PPP3CC: variants seen among roughly 807,000 people sequenced by gnomAD.
PPP3CC encodes the protein serine/threonine-protein phosphatase 2B catalytic subunit gamma isoform.
PPP3CC carries 35 observed loss-of-function variants against 60.3 expected under a neutral mutation model. The observed-to-expected ratio is 0.58, with a 90% confidence interval of 0.44 to 0.77. The LOEUF (loss-of-function observed/expected upper bound fraction) is 0.77, where lower values mean the gene tolerates loss of function less well. Among genes scored for constraint, PPP3CC ranks in the 30% least tolerant of loss-of-function variants. The pLI is 0.00. For synonymous variants in PPP3CC, 206 were observed against 224.3 expected (o/e 0.92, Z 0.73); for missense variants, 570 against 628.9 (o/e 0.91, Z 1.00).
intron 3 of PPP3CC, among the ~76,000 whole-genome samples, chr8:22,482,620 C>A (rs1299512583): frequency 6.6e-6 from 1 of 152,144 alleles, no homozygotes; most frequent in Non-Finnish European, 1.5e-5. Flanking sequence ...ATGCCTATGT[C>A]CTGAATGAAG....
At chr8:22,515,580 C>A (rs1839221886) in intron 6 of PPP3CC, among the ~76,000 whole-genome samples, 1 of 152,134 alleles carries the variant, frequency 6.6e-6, no homozygotes, top group Non-Finnish European at 1.5e-5. Context: ...CTAAACATTC[C>A]CACCAATAGG....
intron 1 of PPP3CC, among the ~76,000 whole-genome samples, chr8:22,453,017 A>T (rs548601552): frequency 6.6e-6 from 1 of 152,242 alleles, no homozygotes; most frequent in African/African-American, 2.4e-5. Flanking sequence ...ATGTGCAAGC[A>T]TAAGAAGCTT....
intron 10 of PPP3CC, among the ~76,000 whole-genome samples, chr8:22,530,644 A>G (rs1208478615): frequency 6.6e-6 from 1 of 151,790 alleles, no homozygotes; most frequent in African/African-American, 2.4e-5. Flanking sequence ...CATGCTGGCC[A>G]ACATGGTGAA....
At chr8:22,468,654 T>C (rs996885742) in intron 1 of PPP3CC, among the ~76,000 whole-genome samples, 3 of 152,190 alleles carry the variant, frequency 2.0e-5, no homozygotes, top group Non-Finnish European at 4.4e-5. Flanking sequence ...CTTGTAATAA[T>C]TGAATAGATT....
chr8:22,514,268 AAAAG>A (rs1370453724), intron 6 of PPP3CC, among the ~76,000 whole-genome samples: 1 of 149,850 alleles, frequency 6.7e-6, no homozygotes. Context: ...AAAAAAAAAA[AAAAG>A]GAAGACATAA....
At chr8:22,471,601 G>A (rs78970213) in intron 1 of PPP3CC, among the ~76,000 whole-genome samples, 8,814 of 152,110 alleles carry the variant, frequency 0.058, 841 homozygotes, top group African/African-American at 0.2. Context: ...TTGAGTATCT[G>A]AACATATCTA....
intron 1 of PPP3CC, among the ~76,000 whole-genome samples, chr8:22,457,508 A>C (rs1837239342): frequency 6.6e-6 from 1 of 151,468 alleles, no homozygotes; most frequent in Non-Finnish European, 1.5e-5. Flanking sequence ...GGGTTTCACG[A>C]TGTTGGCCAG....
intron 4 of PPP3CC, among the ~76,000 whole-genome samples, chr8:22,504,016 T>G (rs1390959782): frequency 6.6e-6 from 1 of 152,192 alleles, no homozygotes; most frequent in Non-Finnish European, 1.5e-5. Flanking sequence ...AGTTTCAGAT[T>G]GTGCAGCTGT....
chr8:22,530,806 T>C (rs1031032093), intron 10 of PPP3CC, among the ~76,000 whole-genome samples: 6 of 111,200 alleles, frequency 5.4e-5, no homozygotes, highest in Non-Finnish European at 8.2e-5. Flanking sequence ...CACTCCAGCC[T>C]GGCGACAGAG....
intron 6 of PPP3CC, among the ~76,000 whole-genome samples, chr8:22,516,601 C>T (rs1257181193): frequency 6.6e-6 from 1 of 152,186 alleles, no homozygotes; most frequent in African/African-American, 2.4e-5. Flanking sequence ...GTGTGCAATG[C>T]AACAAAAAAT....
Position 22,540,843 on chromosome 8 carries a change from G to C in PPP3CC, c.*41G>C, listed in dbSNP as rs1466504723. 6.9e-7 allele frequency: 1 copy of C among 1,447,824 alleles called. No individual in the cohort carries two copies. The highest frequency in any genetic ancestry group is 9.2e-7 in the Non-Finnish European group (1 of 1,089,836). The allele number at this position is 1,447,824 out of a possible 1,614,324, so 89.7% of individuals were successfully genotyped here. A position where few individuals can be genotyped will look rare whatever the true frequency, so the allele number is the denominator to read the frequency against. ...TGGCTCAGGTGGATCTAAAACTCAA[G>C]AACAAATTCTATTTATTTATTATTG... is the stretch of plus-strand genomic sequence containing the variant. On this transcript the variant is annotated 3_prime_UTR_variant, in exon 14 of 14. Transcript: ENST00000240139.
chr8:22,525,999 C>T (rs1294626406), intron 8 of PPP3CC, among the ~76,000 whole-genome samples: 6 of 151,902 alleles, frequency 3.9e-5, no homozygotes, highest in African/African-American at 1.4e-4. Context: ...TCCCGAGTAG[C>T]TGGGACTACA....
At position 22,513,372 on chromosome 8, in the gene PPP3CC, A is replaced by G. The variant is rs1336470373; in HGVS notation, c.710A>G (p.Asn237Ser). Residue 237 changes from asparagine (N) to serine (S), a missense_variant, in exon 6 of 14, where the codon AAT becomes AGT. Asn to Ser is a conservative substitution (Grantham distance 46). Coordinates refer to ENST00000240139, the MANE Select transcript of PPP3CC (RefSeq NM_005605.5). The stretch of plus-strand genomic sequence containing the variant: ...TCTGATCCCTCAGAGGATTATGGCA[A>G]TGAGAAGACCTTGGAGCACTATACC... ...LWSDPSEDYG[N>S]EKTLEHYTHN... The G allele has an allele frequency of 1.2e-6, 2 of 1,613,874 alleles. No homozygotes were observed. Among genetic ancestry groups the G allele is most frequent in the Non-Finnish European group, 1.7e-6 (2 of 1,179,946 alleles).
intron 1 of PPP3CC, among the ~76,000 whole-genome samples, chr8:22,446,276 T>G (rs542966009): frequency 1.3e-5 from 2 of 151,300 alleles, no homozygotes; most frequent in East Asian, 3.9e-4. Context: ...TTCAGTCCAC[T>G]GGTTTCCATC....
intron 3 of PPP3CC, among the ~76,000 whole-genome samples, chr8:22,490,758 C>T (rs1266644688): frequency 6.6e-6 from 1 of 152,052 alleles, no homozygotes; most frequent in East Asian, 1.9e-4. Flanking sequence ...CCAGCTTCAT[C>T]CATGTCCCTA....
chr8:22,441,445 C>T lies in PPP3CC; in HGVS notation c.36C>T (p.Asp12=). 1.1e-5 allele frequency: 17 copies of T among 1,547,346 alleles called. No homozygotes were observed. The highest frequency in any genetic ancestry group is 1.4e-5 in the Non-Finnish European group (16 of 1,146,484). The change falls in exon 1 of 14, where the codon GAC becomes GAT. Residue 12 remains aspartate (D), a synonymous_variant. Coordinates refer to ENST00000240139, the MANE Select transcript of PPP3CC (RefSeq NM_005605.5). ...SGRRFHLSTT[D]RVIKAVPFPP... is the part of the protein sequence containing the mutation. ...GGCGCTTCCACCTCTCCACCACCGACCGCGTCATCAAAGGTGCCTGGCGGG... is the reference window on the plus strand; with the variant it reads ...GGCGCTTCCACCTCTCCACCACCGATCGCGTCATCAAAGGTGCCTGGCGGG...
chr8:22,511,081 G>A lies in PPP3CC; in HGVS notation c.485-5G>A. The A allele has an allele frequency of 6.2e-7, 1 of 1,610,434 alleles. No homozygotes were observed. Among genetic ancestry groups the A allele is most frequent in the South Asian group, 1.1e-5 (1 of 90,288 alleles). On this transcript the variant is annotated splice_region_variant and splice_polypyrimidine_tract_variant and intron_variant, in intron 4 of 13. Transcript: ENST00000240139. Reference sequence around the variant, plus strand: ...TTCCATTGACTGGTTTTCCTTTTTTGTTAGGTCGAATCAAATATTCGGAAC... The same window carrying A: ...TTCCATTGACTGGTTTTCCTTTTTTATTAGGTCGAATCAAATATTCGGAAC...
rs201784642 is a variant in PPP3CC, at chr8:22,473,989, C to A, written c.50-965C>A. The stretch of plus-strand genomic sequence containing the variant: ...AGCTCACTGCAACCTCTGCCTCCCA[C>A]GTTCAAGCGATTCTTCTGCCTCAGC... On this transcript the variant is annotated intron_variant, in intron 1 of 13. Transcript: ENST00000240139. Among the ~76,000 whole-genome samples, 41 of 152,044 alleles carry A rather than the reference C, an allele frequency of 2.7e-4. No individual in the cohort carries two copies. In the East Asian group the frequency reaches 7.8e-3, roughly 29 times the overall value.
chr8:22,527,343 C>G, intron 8 of PPP3CC, 49 bp from the exon 9 acceptor site: 1 of 1,597,166 alleles, frequency 6.3e-7, no homozygotes, highest in Non-Finnish European at 8.6e-7. Context: ...ATACCACTTG[C>G]CATGCCATGT....
Sources: gnomAD v4.1 joint callset for allele counts (sites outside exome capture counted in the v4.1 genomes callset) on GRCh38, gnomAD v4.1.1 for gene constraint, MANE v1.5 for transcripts, NCBI Gene and HGNC (gene_info 2026-07-23, HGNC 2026-07-21) for gene names.